TTLL3: variants seen among roughly 807,000 people sequenced by gnomAD.
TTLL3 encodes tubulin tyrosine ligase like 3.
In TTLL3, 63 loss-of-function variants were observed where a neutral mutation model predicts 75.2. The ratio of observed to expected loss-of-function variants is 0.84; its 90% CI spans 0.68 to 1.03. The LOEUF (loss-of-function observed/expected upper bound fraction) is 1.03. TTLL3 is among the 50% of genes least tolerant of loss of function. The pLI is 0.00. For missense variants in TTLL3, 997 were observed against 1,069.9 expected (o/e 0.93, Z 0.95); for synonymous variants, 393 against 418.5 (o/e 0.94, Z 0.74).
intron 8 of TTLL3, 82 bp from the exon 9 acceptor site, chr3:9,825,717 GA>G: frequency 1.2e-6 from 2 of 1,612,348 alleles, no homozygotes; most frequent in South Asian, 2.2e-5. Flanking sequence ...GACGGCGGGG[GA>G]TGGTGGAATA....
At chr3:9,833,831 A>C (rs1178001562) in intron 12 of TTLL3, among the ~76,000 whole-genome samples, 1 of 152,098 alleles carries the variant, frequency 6.6e-6, no homozygotes, top group Non-Finnish European at 1.5e-5. Flanking sequence ...ACAGAGCGAG[A>C]TGCTGTCTTA....
At chr3:9,813,497 G>A in intron 4 of TTLL3, 152 bp downstream of exon 4, 1 of 911,968 alleles carries the variant, frequency 1.1e-6, no homozygotes, top group Non-Finnish European at 1.7e-6. Context: ...AGGCTGGATA[G>A]AGCTGGACAT....
Position 9,829,297 on chromosome 3 carries a change from C to A in TTLL3, c.1585C>A (p.Leu529Ile). 6.2e-7 allele frequency: 1 copy of A among 1,614,088 alleles called. No homozygotes were observed. The highest frequency in any genetic ancestry group is 8.5e-7 in the Non-Finnish European group (1 of 1,180,020). Reference sequence around the variant, plus strand: ...ACCCTCCACAGCAGTCACTGCCCGGCTCTGTGCTGGCGTGCAAGCTGACAC... The same window carrying A: ...ACCCTCCACAGCAGTCACTGCCCGGATCTGTGCTGGCGTGCAAGCTGACAC... ...MAPSTAVTAR[L>I]CAGVQADTLR... is the part of the protein sequence containing the mutation. The change falls in exon 11 of 14, where the codon CTC becomes ATC. Residue 529 changes from leucine (L) to isoleucine (I), a missense_variant. Physicochemically the swap from Leu to Ile is conservative, Grantham distance 5. Transcript: ENST00000685419.
chr3:9,810,359 C>G lies in TTLL3; in HGVS notation c.-77C>G. 7.2e-7 allele frequency: 1 copy of G among 1,379,458 alleles called. No homozygotes were observed. Among genetic ancestry groups the G allele is most frequent in the Admixed American group, 3.4e-5 (1 of 29,634 alleles). The allele number at this position is 1,379,458 out of a possible 1,614,324, so 85.5% of individuals were successfully genotyped here. Reference sequence around the variant, plus strand: ...TCGGATACCCACCCCCTCGGCCCCCCGCACACCCCGGTCCTCGACCCCTCT... The same window carrying G: ...TCGGATACCCACCCCCTCGGCCCCCGGCACACCCCGGTCCTCGACCCCTCT... On this transcript the variant is annotated 5_prime_UTR_variant, in exon 1 of 14. Transcript: ENST00000685419. The surrounding 1 kb of genome is among the most constrained non-coding windows in gnomAD (Gnocchi z 4.4).
intron 7 of TTLL3, chr3:9,819,122 C>G: frequency 6.1e-6 from 4 of 657,616 alleles, no homozygotes; most frequent in South Asian, 5.8e-5. Flanking sequence ...CACCCACTCT[C>G]TGATCTACCG....
At chr3:9,822,408 A>G (rs78505164) in intron 8 of TTLL3, among the ~76,000 whole-genome samples, 4,683 of 152,036 alleles carry the variant, frequency 0.031, 101 homozygotes, top group Middle Eastern at 0.071. Flanking sequence ...CAAGTTCTGG[A>G]GGGCTATAAG....
chr3:9,819,550 G>A (rs1224258463), intron 7 of TTLL3: 1 of 987,406 alleles, frequency 1.0e-6, no homozygotes, highest in Non-Finnish European at 1.2e-6. Flanking sequence ...TTTACACATG[G>A]CCTGAGAACA....
intron 8 of TTLL3, among the ~76,000 whole-genome samples, chr3:9,824,737 C>CTTTTCTT (rs1471963784): frequency 3.7e-5 from 3 of 80,684 alleles, no homozygotes; most frequent in African/African-American, 1.3e-4. Context: ...CTTTTCTTTT[C>CTTTTCTT]TTTTTTTTTT....
At chr3:9,810,250 T>TG (rs1287439846), upstream of TTLL3, 1 of 1,509,030 alleles carries the variant, frequency 6.6e-7, no homozygotes, top group Admixed American at 2.1e-5. The surrounding 1 kb of genome is among the most constrained non-coding windows in gnomAD (Gnocchi z 4.4). Flanking sequence ...AGGCGGCAGA[T>TG]GCCAGGCGGG....
Position 9,810,828 on chromosome 3 carries a change from C to A in TTLL3, c.48+119C>A. The A allele has an allele frequency of 4.1e-6, 4 of 964,286 alleles. No homozygotes were observed. The highest frequency in any genetic ancestry group is 6.0e-6 in the Non-Finnish European group (4 of 661,724). 59.7% of individuals were successfully genotyped at this position (964,286 alleles called of 1,614,324 possible). ...CAAAAGAAAAAACAATAGCAAAAAT[C>A]CTCAACCACCACACCCATCTTCAAC... On this transcript the variant is annotated intron_variant, in intron 2 of 13. Coordinates refer to ENST00000685419, the MANE Select transcript of TTLL3 (RefSeq NM_001387446.1). The surrounding 1 kb of genome is among the most constrained non-coding windows in gnomAD (Gnocchi z 4.4).
At chr3:9,827,386 T>C (rs1295997742) in intron 10 of TTLL3, 146 bp downstream of exon 10, 7 of 1,396,882 alleles carry the variant, frequency 5.0e-6, no homozygotes, top group Non-Finnish European at 6.6e-6. Flanking sequence ...TCCTGCCAGC[T>C]GTCCTTGCAT....
At position 9,825,908 on chromosome 3, in the gene TTLL3, C is replaced by T. The variant is rs2080993449; in HGVS notation, c.963C>T (p.Asn321=). ...AGATAGACATGGAAGGGGATCGCAA[C>T]ATCTGGATCGTGAAGCCAGGAGCCA... The part of the protein sequence containing the change: ...VPQIDMEGDR[N]IWIVKPGAKS... The change falls in exon 9 of 14, where the codon AAC becomes AAT. Residue 321 remains asparagine, a synonymous_variant. Coordinates refer to ENST00000685419, the MANE Select transcript of TTLL3 (RefSeq NM_001387446.1). 6.2e-7 allele frequency: 1 copy of T among 1,614,128 alleles called. No individual in the cohort carries two copies. The highest frequency in any genetic ancestry group is 8.5e-7 in the Non-Finnish European group (1 of 1,179,980).
At chr3:9,826,015 A>T (rs2081004002) in intron 9 of TTLL3, 67 bp downstream of exon 9, 5 of 1,574,794 alleles carry the variant, frequency 3.2e-6, no homozygotes, top group Non-Finnish European at 4.3e-6. Flanking sequence ...GAGGCCAAGG[A>T]AGTTAATAGT....
intron 8 of TTLL3, among the ~76,000 whole-genome samples, chr3:9,822,741 ATAT>A (rs1334459574): frequency 1.5e-5 from 2 of 135,880 alleles, no homozygotes; most frequent in East Asian, 2.2e-4. Context: ...TGTATTATAT[ATAT>A]TATAATATAT....
intron 7 of TTLL3, 72 bp downstream of exon 7, chr3:9,818,992 C>A: frequency 6.3e-7 from 1 of 1,596,730 alleles, no homozygotes; most frequent in Non-Finnish European, 8.6e-7. Flanking sequence ...CCTATCTGCC[C>A]TTCTACCTAT....
intron 4 of TTLL3, 32 bp from the exon 5 acceptor site, chr3:9,816,042 C>T: frequency 7.5e-7 from 1 of 1,339,164 alleles, no homozygotes; most frequent in African/African-American, 1.5e-5. Context: ...CCACACTGGC[C>T]TCTGTGTTTC....
Position 9,815,975 on chromosome 3 carries a change from T to G in TTLL3, c.316-99T>G, listed in dbSNP as rs1038092362. ...GGCCACCTTGGAAGCATCCTCTCCT[T>G]CCTGTTCACCCACCCTGCTCAGCAG... On this transcript the variant is annotated intron_variant, in intron 4 of 13. Transcript: ENST00000685419. The G allele has an allele frequency of 2.5e-6, 3 of 1,185,310 alleles. No individual in the cohort carries two copies. The South Asian group carries it at 4.3e-5, about 17-fold the overall frequency. The allele number at this position is 1,185,310 out of a possible 1,614,324, so 73.4% of individuals were successfully genotyped here. A position where few individuals can be genotyped will look rare whatever the true frequency, so the allele number is the denominator to read the frequency against.
chr3:9,812,486 G>A (rs1293772968), intron 2 of TTLL3, among the ~76,000 whole-genome samples: 2 of 151,932 alleles, frequency 1.3e-5, no homozygotes. Flanking sequence ...CTCCAGCCTG[G>A]GCAACAGAGC....
rs756601012 is a variant in TTLL3, at chr3:9,835,183, C to T, written c.2142C>T (p.Val714=). The T allele has an allele frequency of 6.2e-6, 10 of 1,614,184 alleles. No homozygotes were observed. The highest frequency in any genetic ancestry group is 2.7e-5 in the African/African-American group (2 of 75,042). ...PLKSEQFLAP[V]GRSRPKANSR... ...AGTCGGAACAATTCCTAGCACCTGTCGGAAGGTCAAGGCCAAAGGCAAATT... is the reference window on the plus strand; with the variant it reads ...AGTCGGAACAATTCCTAGCACCTGTTGGAAGGTCAAGGCCAAAGGCAAATT... The change falls in exon 14 of 14, where the codon GTC becomes GTT. Residue 714 remains valine, a synonymous_variant. Coordinates refer to ENST00000685419, the MANE Select transcript of TTLL3 (RefSeq NM_001387446.1).
Sources: allele counts gnomAD v4.1 joint callset (sites outside exome capture counted in the v4.1 genomes callset), GRCh38; gene constraint gnomAD v4.1.1; non-coding constraint Gnocchi (gnomAD v3.1); transcripts MANE v1.5; gene names NCBI Gene and HGNC (gene_info 2026-07-23, HGNC 2026-07-21).